Variants in BRK1 observed in about 807,000 individuals in gnomAD.
BRK1 encodes the protein protein BRICK1.
In BRK1, 6 loss-of-function variants were observed where a neutral mutation model predicts 9.9. That is an observed-to-expected ratio of 0.60 (90% CI 0.33 to 1.19). BRK1 has a LOEUF of 1.19. Ranked by LOEUF, BRK1 falls within the 50% of genes most tolerant of loss-of-function variation. The probability of loss-of-function intolerance (pLI) is 0.04; values close to 1 mark genes in which losing one functional copy is unlikely to be tolerated. For synonymous variants in BRK1, 44 were observed against 31.9 expected (o/e 1.38, Z -1.28); for missense variants, 62 against 97.5 (o/e 0.64, Z 1.53).
intron 1 of BRK1, among the ~76,000 whole-genome samples, chr3:10,120,692 G>A (rs916410256): frequency 1.3e-5 from 2 of 152,096 alleles, no homozygotes; most frequent in South Asian, 4.1e-4. Flanking sequence ...TTGAACCAGC[G>A]TATACTTATT....
At chr3:10,116,953 A>T (rs995353220) in intron 1 of BRK1, among the ~76,000 whole-genome samples, 1 of 152,214 alleles carries the variant, frequency 6.6e-6, no homozygotes, top group Non-Finnish European at 1.5e-5. Context: ...GTTTAGGACT[A>T]TAATCGTGGC....
In BRK1 at chr3:10,118,742, C is replaced by T. The variant is rs193100555; in HGVS notation, c.118+2923C>T. On this transcript the variant is annotated intron_variant, in intron 1 of 2. Coordinates refer to ENST00000530758, the MANE Select transcript of BRK1 (RefSeq NM_018462.5). The stretch of plus-strand genomic sequence containing the variant: ...CCTCAAGTGATCCACCTCTGTTCAA[C>T]CTCCCAAAGTGCTGGGATTACAGGC... Among the ~76,000 whole-genome samples the T allele has an allele frequency of 1.5e-3, 226 of 152,270 alleles. 2 individuals carry two copies. Among genetic ancestry groups the T allele is most frequent in the African/African-American group, 5.4e-3 (224 of 41,558 alleles).
At chr3:10,126,201 G>A in intron 2 of BRK1, 68 bp from the exon 3 acceptor site, 1 of 1,193,564 alleles carries the variant, frequency 8.4e-7, no homozygotes, top group Non-Finnish European at 1.1e-6. Context: ...AGGATCTAAA[G>A]ATTTTTTTTT....
intron 1 of BRK1, among the ~76,000 whole-genome samples, chr3:10,117,369 T>A (rs1695698370): frequency 1.3e-5 from 2 of 151,956 alleles, no homozygotes; most frequent in South Asian, 4.1e-4. Flanking sequence ...GAGTAAAGAC[T>A]TTATTTGGGC....
intron 1 of BRK1, among the ~76,000 whole-genome samples, chr3:10,118,804 C>T (rs1015305456): frequency 2.0e-5 from 3 of 151,836 alleles, no homozygotes; most frequent in Admixed American, 2.0e-4. Context: ...GGATTTATTG[C>T]GATAAAAGTT....
intron 1 of BRK1, among the ~76,000 whole-genome samples, chr3:10,120,579 C>T (rs1181015112): frequency 1.4e-4 from 22 of 152,134 alleles, no homozygotes; most frequent in South Asian, 4.1e-4. Flanking sequence ...TGTTTCCTAA[C>T]GAGAACTGGT....
At chr3:10,116,419 T>A (rs981435679) in intron 1 of BRK1, among the ~76,000 whole-genome samples, 2 of 91,722 alleles carry the variant, frequency 2.2e-5, no homozygotes, top group African/African-American at 7.5e-5. Context: ...GTATTGCTAG[T>A]ATATATAGCT....
In BRK1 at chr3:10,115,675, G is replaced by C. The variant is rs761270001; in HGVS notation, c.-27G>C. Reference sequence around the variant, plus strand: ...AGGCCTGTAGGGTCGGGGCGCCTGCGCAGTCGCTCTTCCTCAGGCGGCGGC... The same window carrying C: ...AGGCCTGTAGGGTCGGGGCGCCTGCCCAGTCGCTCTTCCTCAGGCGGCGGC... On this transcript the variant is annotated 5_prime_UTR_variant, in exon 1 of 3. Coordinates refer to ENST00000530758, the MANE Select transcript of BRK1 (RefSeq NM_018462.5). The C allele has an allele frequency of 1.3e-6, 2 of 1,584,568 alleles. No homozygotes were observed. The highest frequency in any genetic ancestry group is 1.7e-6 in the Non-Finnish European group (2 of 1,153,640).
intron 1 of BRK1, among the ~76,000 whole-genome samples, chr3:10,124,530 T>C (rs772253059): frequency 3.2e-4 from 48 of 152,174 alleles, no homozygotes; most frequent in Non-Finnish European, 6.5e-4. Flanking sequence ...TTATTTACCA[T>C]GTGTAGGTCA....
intron 1 of BRK1, among the ~76,000 whole-genome samples, chr3:10,124,475 AAAAC>A (rs1695809437): frequency 6.6e-6 from 1 of 152,060 alleles, no homozygotes; most frequent in African/African-American, 2.4e-5. Flanking sequence ...AAAAACCAAA[AAAAC>A]AAATTACCAC....
intron 1 of BRK1, among the ~76,000 whole-genome samples, chr3:10,120,768 A>G (rs569337908): frequency 1.3e-5 from 2 of 152,316 alleles, no homozygotes; most frequent in Non-Finnish European, 2.9e-5. Context: ...GTGTTTATCC[A>G]TGTAGGCCAG....
intron 1 of BRK1, among the ~76,000 whole-genome samples, chr3:10,116,260 C>T (rs943032713): frequency 1.3e-5 from 2 of 152,180 alleles, no homozygotes; most frequent in African/African-American, 4.8e-5. Context: ...GGTCGATACC[C>T]TCTAGCGTCG....
intron 2 of BRK1, 63 bp downstream of exon 2, chr3:10,125,771 A>C (rs1390654161): frequency 8.1e-7 from 1 of 1,231,262 alleles, no homozygotes. Context: ...GCTGAAAAAA[A>C]CCTGAAAGCA....
At chr3:10,125,955 G>A (rs543974653) in intron 2 of BRK1, among the ~76,000 whole-genome samples, 37 of 152,228 alleles carry the variant, frequency 2.4e-4, no homozygotes, top group African/African-American at 8.4e-4. Context: ...GCCAGGCATG[G>A]TGGCTCACAC....
chr3:10,125,375 GATTACAGGCATGA>G (rs1386663578), intron 1 of BRK1, among the ~76,000 whole-genome samples: 15 of 152,238 alleles, frequency 9.9e-5, no homozygotes, highest in Non-Finnish European at 2.2e-4. Context: ...AAAGTGCTAG[GATTACAGGCATGA>G]GCCACCGTGC....
rs1465142573 is a variant in BRK1, at chr3:10,126,283, G to A, written c.216G>A (p.Glu72=). 1.3e-6 allele frequency: 2 copies of A among 1,559,628 alleles called. No homozygotes were observed. Among genetic ancestry groups the A allele is most frequent in the Admixed American group, 2.1e-5 (1 of 48,706 alleles). ...TCCTTTCACAGGTGACAAAAGGTGA[G>A]ACACTCACCTAGAACAGTGCCGTGC... ...EYIEARVTKG[E]TLT The change falls in exon 3 of 3, where the codon GAG becomes GAA. Residue 72 remains glutamate, a synonymous_variant. Coordinates refer to ENST00000530758, the MANE Select transcript of BRK1 (RefSeq NM_018462.5).
chr3:10,124,941 C>CCT (rs1438707319), intron 1 of BRK1, among the ~76,000 whole-genome samples: 1 of 152,144 alleles, frequency 6.6e-6, no homozygotes, highest in Non-Finnish European at 1.5e-5. Context: ...TCTCTGACCC[C>CCT]CTTCCTATGC....
chr3:10,123,438 CTT>C (rs869148224), intron 1 of BRK1, among the ~76,000 whole-genome samples: 8 of 135,958 alleles, frequency 5.9e-5, no homozygotes, highest in Non-Finnish European at 9.4e-5. Context: ...ACTTTCTTTC[CTT>C]TTTTTTTTTT....
At chr3:10,121,392 T>C (rs1272946789) in intron 1 of BRK1, among the ~76,000 whole-genome samples, 1 of 152,082 alleles carries the variant, frequency 6.6e-6, no homozygotes, top group Non-Finnish European at 1.5e-5. Flanking sequence ...AGAAAGATGA[T>C]AGTAGTGTGC....
Sources: gnomAD v4.1 joint callset for allele counts (sites outside exome capture counted in the v4.1 genomes callset) on GRCh38, gnomAD v4.1.1 for gene constraint, MANE v1.5 for transcripts, NCBI Gene and HGNC (gene_info 2026-07-23, HGNC 2026-07-21) for gene names.